Variants in ZNF799 observed in about 807,000 individuals in gnomAD.
The protein encoded by ZNF799 is zinc finger protein 799, also known as zinc finger protein 14.
In ZNF799, 28 loss-of-function variants were observed where a neutral mutation model predicts 41.0. That is an observed-to-expected ratio of 0.68 (90% CI 0.51 to 0.94). The LOEUF (loss-of-function observed/expected upper bound fraction) is 0.94, where lower values mean the gene tolerates loss of function less well. ZNF799 is among the 40% of genes least tolerant of loss of function. ZNF799 has a pLI of 0.00. For synonymous variants in ZNF799, 213 were observed against 252.9 expected (o/e 0.84, Z 1.50); for missense variants, 716 against 764.3 (o/e 0.94, Z 0.74).
Position 12,390,393 on chromosome 19 carries a change from G to T in ZNF799, c.*73C>A. 4 of 1,601,622 alleles carry T rather than the reference G, an allele frequency of 2.5e-6. No homozygotes were observed. Among genetic ancestry groups the T allele is most frequent in the African/African-American group, 2.7e-5 (2 of 74,396 alleles). On this transcript the variant is annotated 3_prime_UTR_variant, in exon 4 of 4. Transcript: ENST00000430385. ...CATTCACAGGGTCTATCTCCAATGT[G>T]TTTCGTACAAGTATCTGAAATGAAA...
chr19:12,410,002 T>G, the ZNF799 span, among the ~76,000 whole-genome samples: 50,552 of 151,376 alleles, frequency 0.33, 8,987 homozygotes, highest in South Asian at 0.5. Context: ...CAAAAAATTA[T>G]CTGGGCATGG....
At chr19:12,399,534 G>C (rs1162749425) in intron 1 of ZNF799, among the ~76,000 whole-genome samples, 1 of 150,644 alleles carries the variant, frequency 6.6e-6, no homozygotes, top group East Asian at 1.9e-4. Flanking sequence ...AGTGGATCCA[G>C]TTGCTCCCCA....
At chr19:12,410,574 G>A in the ZNF799 span, among the ~76,000 whole-genome samples, 1 of 151,902 alleles carries the variant, frequency 6.6e-6, no homozygotes, top group Non-Finnish European at 1.5e-5. Flanking sequence ...ACTAAAGAAA[G>A]AACTCCAAGA....
intron 1 of ZNF799, chr19:12,395,140 CTTT>C (rs60963007): frequency 1.4e-4 from 18 of 132,936 alleles, no homozygotes; most frequent in Non-Finnish European, 2.1e-4. Context: ...ACAAAGCTGT[CTTT>C]TTTTTTTTTT....
At chr19:12,398,761 T>C (rs1291374831) in intron 1 of ZNF799, among the ~76,000 whole-genome samples, 1 of 152,148 alleles carries the variant, frequency 6.6e-6, no homozygotes, top group African/African-American at 2.4e-5. Context: ...CTTGTAAAAA[T>C]GTATTCCTTT....
chr19:12,401,568 C>CGAGAG (rs1176116336), upstream of ZNF799, among the ~76,000 whole-genome samples: 1 of 3,640 alleles, frequency 2.7e-4, no homozygotes, highest in African/African-American at 1.4e-3. Context: ...TTTTTTTTTT[C>CGAGAG]CGAGAGAGAG....
rs1419792082 is a variant in ZNF799, at chr19:12,390,377, G to T, written c.*89C>A. 1.3e-6 allele frequency: 2 copies of T among 1,593,222 alleles called. No individual in the cohort carries two copies. Among genetic ancestry groups the T allele is most frequent in the Non-Finnish European group, 1.7e-6 (2 of 1,169,744 alleles). ...TTTTACCAAGTGCTTACATTCACAG[G>T]GTCTATCTCCAATGTGTTTCGTACA... On this transcript the variant is annotated 3_prime_UTR_variant, in exon 4 of 4. Coordinates refer to ENST00000430385, the MANE Select transcript of ZNF799 (RefSeq NM_001080821.3).
rs764236987 is a variant in ZNF799, at chr19:12,393,299, A to T, written c.128T>A (p.Val43Glu). ...TGGAAATGCGATGTCATCCTTACCT[A>T]CACAATCCAGGTTCCTGATGGTTTC... is the stretch of plus-strand genomic sequence containing the variant. Reference protein sequence around the residue: ...MQETIRNLDCVGMKWKDQNIE... With the variant: ...MQETIRNLDCEGMKWKDQNIE... Residue 43 changes from valine to glutamate, a missense_variant and splice_region_variant, in exon 2 of 4, where the codon GTA becomes GAA. By Grantham distance (121) the Val-to-Glu change is moderately radical (BLOSUM62 -2). Coordinates refer to ENST00000430385, the MANE Select transcript of ZNF799 (RefSeq NM_001080821.3). 13 of 936,686 alleles carry T rather than the reference A, an allele frequency of 1.4e-5. 1 individual carries two copies. In the African/African-American group the frequency reaches 1.8e-4, roughly 13 times the overall value. The allele number at this position is 936,686 out of a possible 1,614,324, so 58.0% of individuals were successfully genotyped here. A position where few individuals can be genotyped will look rare whatever the true frequency, so the allele number is the denominator to read the frequency against.
intron 1 of ZNF799, chr19:12,394,886 G>A (rs1320965884): frequency 5.1e-6 from 5 of 984,022 alleles, no homozygotes; most frequent in East Asian, 2.3e-4. Flanking sequence ...TTGGCACCCC[G>A]TACTATTAAC....
chr19:12,395,857 G>A (rs562224129), intron 1 of ZNF799, among the ~76,000 whole-genome samples: 93 of 152,360 alleles, frequency 6.1e-4, no homozygotes, highest in African/African-American at 2.2e-3. Flanking sequence ...ACAAAGACTG[G>A]AAGAGGTCAG....
chr19:12,404,315 T>C (rs990244602), upstream of ZNF799, among the ~76,000 whole-genome samples: 5 of 152,202 alleles, frequency 3.3e-5, no homozygotes, highest in African/African-American at 1.2e-4. Flanking sequence ...TTTGTCTGAT[T>C]TTTCAGTATA....
chr19:12,391,268 C>T lies in ZNF799; in HGVS notation c.1130G>A (p.Ser377Asn), dbSNP rs1184573899. 1 of 1,614,046 alleles carries T rather than the reference C, an allele frequency of 6.2e-7. No homozygotes were observed. Among genetic ancestry groups the T allele is most frequent in the Admixed American group, 1.7e-5 (1 of 60,010 alleles). Reference sequence around the variant, plus strand: ...TGTCATGTGTCTTCGAAAGCTTGAGCTATGAGATAACGCTTTCCCACACTG... The same window carrying T: ...TGTCATGTGTCTTCGAAAGCTTGAGTTATGAGATAACGCTTTCCCACACTG... ...CKQCGKALSH[S>N]SSFRRHMTMH... is the part of the protein sequence containing the mutation. The change falls in exon 4 of 4, where the codon AGC becomes AAC. Residue 377 changes from serine (S) to asparagine (N), a missense_variant. Ser to Asn is a conservative substitution (Grantham distance 46, BLOSUM62 1). This residue lies in a region of ZNF799 where 698 missense variants were observed against 713.6 expected (regional missense o/e 0.98). Transcript: ENST00000430385.
At chr19:12,410,709 A>G in the ZNF799 span, among the ~76,000 whole-genome samples, 1 of 152,174 alleles carries the variant, frequency 6.6e-6, no homozygotes, top group African/African-American at 2.4e-5. Flanking sequence ...TGCTAAACCC[A>G]CAGCCAAGCC....
upstream of ZNF799, among the ~76,000 whole-genome samples, chr19:12,402,400 T>C (rs960323880): frequency 4.0e-5 from 6 of 148,570 alleles, no homozygotes; most frequent in Non-Finnish European, 8.9e-5. Flanking sequence ...CTTCCCAATA[T>C]AGATGCCCTT....
rs760150772 is a variant in ZNF799, at chr19:12,391,315, T to C, written c.1083A>G (p.Gly361=). The part of the protein sequence containing the change: ...SLKSHERTHT[G]EKLYECKQCG... ...ACTGCTTGCATTCATAGAGTTTCTCTCCAGTGTGAGTTCTTTCATGACTTT... is the reference window on the plus strand; with the variant it reads ...ACTGCTTGCATTCATAGAGTTTCTCCCCAGTGTGAGTTCTTTCATGACTTT... Residue 361 remains glycine (G), a synonymous_variant, in exon 4 of 4, where the codon GGA becomes GGG. Transcript: ENST00000430385. 2 of 1,614,058 alleles carry C rather than the reference T, an allele frequency of 1.2e-6. No homozygotes were observed. The highest frequency in any genetic ancestry group is 8.5e-7 in the Non-Finnish European group (1 of 1,180,018).
rs1040626345 is a variant in ZNF799, at chr19:12,398,430, T to C, written c.3+2638A>G. ...CAGGAAAATCACTCAAATTCAGTGT[T>C]TATGTCTATGGGTGGGAAGGAAATT... On this transcript the variant is annotated intron_variant, in intron 1 of 3. Coordinates refer to ENST00000430385, the MANE Select transcript of ZNF799 (RefSeq NM_001080821.3). 2.3e-4 allele frequency among the ~76,000 whole-genome samples: 35 copies of C among 152,326 alleles called. No homozygotes were observed. The Middle Eastern group carries it at 0.01, about 44-fold the overall frequency.
At chr19:12,413,191 C>T in the ZNF799 span, among the ~76,000 whole-genome samples, 2 of 152,018 alleles carry the variant, frequency 1.3e-5, 1 homozygote. Context: ...TGAAGTTTTC[C>T]TGATTGTCTT....
chr19:12,401,279 A>C (rs1294390636), upstream of ZNF799: 3 of 1,361,868 alleles, frequency 2.2e-6, no homozygotes, highest in African/African-American at 2.9e-5. Flanking sequence ...GACAGTTCCC[A>C]CGAACCCGCC....
At chr19:12,393,920 A>G (rs1281158207) in intron 1 of ZNF799, 1 of 206,456 alleles carries the variant, frequency 4.8e-6, no homozygotes, top group Non-Finnish European at 8.9e-6. Context: ...TACGCAAAAA[A>G]AATACAGTAT....
Sources: allele counts gnomAD v4.1 joint callset (sites outside exome capture counted in the v4.1 genomes callset), GRCh38; gene constraint gnomAD v4.1.1; regional missense constraint gnomAD v4.1.1; transcripts MANE v1.5; gene names NCBI Gene and HGNC (gene_info 2026-07-23, HGNC 2026-07-21).